The following RPS6KC1 variants were observed in gnomAD, a reference collection of about 807,000 sequenced individuals.
RPS6KC1 encodes inactive ribosomal protein S6 kinase delta-1.
RPS6KC1 carries 54 observed loss-of-function variants against 103.8 expected under a neutral mutation model. The observed-to-expected ratio is 0.52, with a 90% CI of 0.42 to 0.65. The LOEUF (loss-of-function observed/expected upper bound fraction) is 0.65, where lower values mean the gene tolerates loss of function less well. Ranked by LOEUF, RPS6KC1 falls within the 30% of genes least tolerant of loss-of-function variation. The pLI is 0.00. For missense variants in RPS6KC1, 1,151 were observed against 1,253.8 expected, an observed-to-expected ratio of 0.92 and a Z score of 1.24; for synonymous variants, 439 against 438.7, an observed-to-expected ratio of 1.00 and a Z score of -0.01.
At chr1:213,416,293 C>A in the RPS6KC1 span, among the ~76,000 whole-genome samples, 1 of 152,238 alleles carries the variant, frequency 6.6e-6, no homozygotes, top group Non-Finnish European at 1.5e-5. Flanking sequence ...AATTGAAGAT[C>A]TAGGGCTTCA....
At chr1:213,203,438 T>G (rs2093235721) in intron 8 of RPS6KC1, among the ~76,000 whole-genome samples, 1 of 152,166 alleles carries the variant, frequency 6.6e-6, no homozygotes, top group South Asian at 2.1e-4. Context: ...CATTTTAATG[T>G]GCAATTTTAA....
chr1:213,572,169 G>A, the RPS6KC1 span, among the ~76,000 whole-genome samples: 2 of 152,342 alleles, frequency 1.3e-5, no homozygotes, highest in African/African-American at 4.8e-5. Flanking sequence ...GGCAGACATA[G>A]CTGCCTGCTT....
the RPS6KC1 span, among the ~76,000 whole-genome samples, chr1:213,335,594 C>T: frequency 6.6e-6 from 1 of 152,188 alleles, no homozygotes; most frequent in African/African-American, 2.4e-5. Flanking sequence ...GTGTGTGCCT[C>T]CACAGACATA....
the RPS6KC1 span, among the ~76,000 whole-genome samples, chr1:213,396,260 G>A: frequency 6.6e-6 from 1 of 152,172 alleles, no homozygotes; most frequent in Non-Finnish European, 1.5e-5. Context: ...TAGTGATGTT[G>A]CGAGGATTAA....
the RPS6KC1 span, among the ~76,000 whole-genome samples, chr1:213,560,793 G>A: frequency 6.6e-6 from 1 of 152,120 alleles, no homozygotes; most frequent in Non-Finnish European, 1.5e-5. Flanking sequence ...AGATGGATGT[G>A]GCACATGAGG....
chr1:213,600,109 C>T, the RPS6KC1 span, among the ~76,000 whole-genome samples: 1 of 152,282 alleles, frequency 6.6e-6, no homozygotes, highest in East Asian at 1.9e-4. Flanking sequence ...GCGCTTCCCT[C>T]TCTTGCTGCC....
chr1:213,146,032 C>CA (rs1259735395), intron 6 of RPS6KC1, among the ~76,000 whole-genome samples: 1 of 144,652 alleles, frequency 6.9e-6, no homozygotes, highest in African/African-American at 2.6e-5. Flanking sequence ...GTAACCCCCC[C>CA]ACTACCCTTC....
At chr1:213,438,479 G>A in the RPS6KC1 span, among the ~76,000 whole-genome samples, 1 of 152,176 alleles carries the variant, frequency 6.6e-6, no homozygotes, top group South Asian at 2.1e-4. Context: ...AATTGAGATG[G>A]TTCAAGTCAG....
chr1:213,859,746 A>G, the RPS6KC1 span, among the ~76,000 whole-genome samples: 3 of 152,196 alleles, frequency 2.0e-5, no homozygotes, highest in Non-Finnish European at 2.9e-5. Context: ...ATCACCATCT[A>G]TGGTGGAAAA....
At chr1:213,498,177 T>C in the RPS6KC1 span, among the ~76,000 whole-genome samples, 18 of 152,298 alleles carry the variant, frequency 1.2e-4, no homozygotes, top group African/African-American at 3.8e-4. Context: ...ACAACCAAAA[T>C]TAACAACTAA....
intron 1 of RPS6KC1, among the ~76,000 whole-genome samples, chr1:213,065,926 G>A (rs987723481): frequency 6.6e-6 from 1 of 152,168 alleles, no homozygotes; most frequent in Non-Finnish European, 1.5e-5. Context: ...TCAGACAGTC[G>A]AGGATCTCAT....
At chr1:213,065,960 A>G (rs1331140572) in intron 1 of RPS6KC1, among the ~76,000 whole-genome samples, 2 of 152,232 alleles carry the variant, frequency 1.3e-5, no homozygotes, top group African/African-American at 4.8e-5. Flanking sequence ...GTGAATAGCC[A>G]TGTGGCTTTA....
At chr1:213,305,946 A>G in the RPS6KC1 span, among the ~76,000 whole-genome samples, 16 of 152,216 alleles carry the variant, frequency 1.1e-4, no homozygotes, top group Non-Finnish European at 1.6e-4. Context: ...GTACTCCATT[A>G]CAAGTGACAG....
chr1:213,692,387 T>C, the RPS6KC1 span, among the ~76,000 whole-genome samples: 1 of 62,286 alleles, frequency 1.6e-5, no homozygotes, highest in African/African-American at 5.3e-5. Flanking sequence ...AGACTCTGTC[T>C]CAAAAAAAAA....
At chr1:213,336,876 A>G in the RPS6KC1 span, among the ~76,000 whole-genome samples, 1 of 152,196 alleles carries the variant, frequency 6.6e-6, no homozygotes, top group African/African-American at 2.4e-5. Flanking sequence ...TCTAGGGGGT[A>G]CCATTCCCAT....
the RPS6KC1 span, among the ~76,000 whole-genome samples, chr1:213,635,674 C>A: frequency 6.6e-6 from 1 of 152,124 alleles, no homozygotes; most frequent in African/African-American, 2.4e-5. Flanking sequence ...ACTGAATGGG[C>A]AAAAACTGGA....
chr1:213,752,143 G>A, the RPS6KC1 span, among the ~76,000 whole-genome samples: 1 of 152,154 alleles, frequency 6.6e-6, no homozygotes, highest in Admixed American at 6.6e-5. Flanking sequence ...CCCATTTTAT[G>A]CTTTGTATTT....
rs2076916389 is a variant in RPS6KC1, at chr1:213,051,271, GC to G, written c.-132del. ...GGAAGCAGAGCTGTGCAGCTGAGGC[GC>G]CGCCGTGGAGCCGCCTTGGAGCCAC... On this transcript the variant is annotated 5_prime_UTR_variant, in exon 1 of 15. Transcript: ENST00000366960. 9.4e-6 allele frequency: 6 copies of G among 636,614 alleles called. No individual in the cohort carries two copies. In the South Asian group the frequency reaches 1.1e-4, roughly 12 times the overall value. 39.4% of individuals were successfully genotyped at this position (636,614 alleles called of 1,614,324 possible).
At chr1:213,188,605 A>T (rs562875037) in intron 8 of RPS6KC1, among the ~76,000 whole-genome samples, 2 of 152,264 alleles carry the variant, frequency 1.3e-5, no homozygotes, top group East Asian at 3.9e-4. Context: ...ATGCACACAT[A>T]AAAACTGGAA....
Sources: gnomAD v4.1 joint callset for allele counts (sites outside exome capture counted in the v4.1 genomes callset) on GRCh38, gnomAD v4.1.1 for gene constraint, MANE v1.5 for transcripts, NCBI Gene and HGNC (gene_info 2026-07-23, HGNC 2026-07-21) for gene names.